Variants in DGKB observed in about 807,000 individuals in gnomAD.
DGKB encodes the protein 90 kDa diacylglycerol kinase.
A neutral mutation model predicts 114.3 loss-of-function variants in DGKB; 67 were observed. That is an observed-to-expected ratio of 0.59 (90% CI 0.48 to 0.72). The LOEUF is 0.72. Among genes scored for constraint, DGKB ranks in the 30% least tolerant of loss-of-function variants. The pLI, the probability that DGKB is intolerant of heterozygous loss-of-function variation, is 0.00. For synonymous variants in DGKB, 398 were observed against 323.1 expected (o/e 1.23, Z -2.49); for missense variants, 907 against 975.2 (o/e 0.93, Z 0.93).
chr7:14,691,825 C>T (rs1822921239), intron 9 of DGKB, among the ~76,000 whole-genome samples: 1 of 151,006 alleles, frequency 6.6e-6, no homozygotes, highest in Admixed American at 6.6e-5. Context: ...ATCTAGCGGC[C>T]GTCACTGGTA....
chr7:14,545,130 C>G (rs1183165146), intron 20 of DGKB, among the ~76,000 whole-genome samples: 1 of 150,266 alleles, frequency 6.7e-6, no homozygotes, highest in African/African-American at 2.5e-5. Context: ...TTTTCTTTTT[C>G]TACTCATTTC....
At chr7:14,627,252 G>T (rs772542494) in intron 14 of DGKB, among the ~76,000 whole-genome samples, 1 of 152,094 alleles carries the variant, frequency 6.6e-6, no homozygotes, top group Non-Finnish European at 1.5e-5. Flanking sequence ...GGTGATTTGG[G>T]TGGTGTCTTT....
intron 21 of DGKB, among the ~76,000 whole-genome samples, chr7:14,351,639 GA>G (rs1257124270): frequency 6.6e-6 from 1 of 152,088 alleles, no homozygotes; most frequent in Admixed American, 6.6e-5. Flanking sequence ...AAAGAGTTAT[GA>G]AAAAGGTTGC....
intron 2 of DGKB, among the ~76,000 whole-genome samples, chr7:14,830,166 T>G (rs1470726354): frequency 6.6e-6 from 1 of 152,002 alleles, no homozygotes; most frequent in African/African-American, 2.4e-5. Context: ...AAATTGTATG[T>G]GTTGATTTTT....
intron 1 of DGKB, among the ~76,000 whole-genome samples, chr7:14,937,157 T>G (rs572033197): frequency 6.6e-6 from 1 of 152,132 alleles, no homozygotes; most frequent in Non-Finnish European, 1.5e-5. Context: ...TTTTACAATG[T>G]ATATACTATC....
chr7:14,797,967 A>G (rs1841633278), intron 2 of DGKB, among the ~76,000 whole-genome samples: 1 of 152,162 alleles, frequency 6.6e-6, no homozygotes, highest in Non-Finnish European at 1.5e-5. Flanking sequence ...TTTATTGAGC[A>G]GCAGAAAGAA....
chr7:14,183,279 T>A (rs927654332), intron 23 of DGKB, among the ~76,000 whole-genome samples: 1 of 152,260 alleles, frequency 6.6e-6, no homozygotes, highest in Non-Finnish European at 1.5e-5. Flanking sequence ...AATGTCCATC[T>A]ACTTCTAATT....
chr7:14,578,173 T>TA (rs1483588487), intron 19 of DGKB, among the ~76,000 whole-genome samples: 5 of 152,264 alleles, frequency 3.3e-5, no homozygotes, highest in South Asian at 2.1e-4. Context: ...TGCTGCCATG[T>TA]AAAAAATGCC....
At chr7:14,226,523 G>A (rs1228854707) in intron 23 of DGKB, among the ~76,000 whole-genome samples, 2 of 151,882 alleles carry the variant, frequency 1.3e-5, no homozygotes, top group Middle Eastern at 3.2e-3. Flanking sequence ...TAACAATGAA[G>A]TATTTTAATT....
intron 23 of DGKB, among the ~76,000 whole-genome samples, chr7:14,296,074 C>G (rs1342234970): frequency 6.6e-6 from 1 of 151,484 alleles, no homozygotes; most frequent in Non-Finnish European, 1.5e-5. Context: ...TCTCTGTCAC[C>G]AGGCTTGAGT....
chr7:14,846,040 TA>T (rs1698926584), intron 1 of DGKB, among the ~76,000 whole-genome samples: 1 of 152,204 alleles, frequency 6.6e-6, no homozygotes, highest in East Asian at 1.9e-4. Flanking sequence ...TATCAATATC[TA>T]ACAAAAACAC....
chr7:14,698,262 C>T (rs1824440205), intron 7 of DGKB, 93 bp from the exon 8 acceptor site: 1 of 750,572 alleles, frequency 1.3e-6, no homozygotes, highest in Non-Finnish European at 2.2e-6. Flanking sequence ...CAATGTGTAG[C>T]TAAAAAAGTT....
chr7:14,531,282 A>C (rs952060992), intron 20 of DGKB, among the ~76,000 whole-genome samples: 6 of 151,550 alleles, frequency 4.0e-5, no homozygotes, highest in Admixed American at 2.0e-4. Context: ...TGAAGACAAA[A>C]ATGATCTTGT....
chr7:14,595,618 ATACT>A (rs199572404), intron 17 of DGKB, among the ~76,000 whole-genome samples: 4,183 of 150,922 alleles, frequency 0.028, 212 homozygotes, highest in African/African-American at 0.096. Flanking sequence ...GTATAAATAA[ATACT>A]TATCTATAAT....
chr7:14,856,976 C>T (rs141766368), intron 1 of DGKB, among the ~76,000 whole-genome samples: 279 of 152,182 alleles, frequency 1.8e-3, no homozygotes, highest in African/African-American at 5.9e-3. Context: ...TGGGTAAAAC[C>T]TGAAACATGT....
chr7:14,633,649 G>A (rs116653427), intron 13 of DGKB, among the ~76,000 whole-genome samples: 3,650 of 151,384 alleles, frequency 0.024, 154 homozygotes, highest in African/African-American at 0.084. Context: ...TAAATGTTTT[G>A]GTTTTTTTGA....
chr7:14,732,977 T>C (rs1831142200), intron 5 of DGKB, among the ~76,000 whole-genome samples: 1 of 152,198 alleles, frequency 6.6e-6, no homozygotes, highest in Non-Finnish European at 1.5e-5. Flanking sequence ...TTCTCAAAAC[T>C]CAAGGACAAT....
At chr7:14,444,725 A>C (rs1362423981) in intron 21 of DGKB, among the ~76,000 whole-genome samples, 1 of 151,924 alleles carries the variant, frequency 6.6e-6, no homozygotes, top group African/African-American at 2.4e-5. Context: ...CTTTACAAAT[A>C]TATGTAATGC....
At chr7:14,590,615 T>C (rs1400981669) in intron 17 of DGKB, among the ~76,000 whole-genome samples, 1 of 152,138 alleles carries the variant, frequency 6.6e-6, no homozygotes, top group African/African-American at 2.4e-5. Context: ...AATTTCTTGA[T>C]CCATTCAATC....
Sources: gnomAD v4.1 joint callset for allele counts (sites outside exome capture counted in the v4.1 genomes callset) on GRCh38, gnomAD v4.1.1 for gene constraint, MANE v1.5 for transcripts, NCBI Gene and HGNC (gene_info 2026-07-23, HGNC 2026-07-21) for gene names.